JAK1: variants seen among roughly 807,000 people sequenced by gnomAD.
JAK1 encodes the protein Janus kinase 1, also known as tyrosine-protein kinase JAK1.
In JAK1, 16 loss-of-function variants were observed where a neutral mutation model predicts 136.6. The ratio of observed to expected loss-of-function variants is 0.12; its 90% CI spans 0.08 to 0.18. The LOEUF (loss-of-function observed/expected upper bound fraction) is 0.18, where lower values mean the gene tolerates loss of function less well. Among genes scored for constraint, JAK1 ranks in the 10% least tolerant of loss-of-function variants. The probability of loss-of-function intolerance (pLI) is 1.00; values close to 1 mark genes in which losing one functional copy is unlikely to be tolerated. For synonymous variants in JAK1, 492 were observed against 519.5 expected (o/e 0.95, Z 0.72); for missense variants, 859 against 1,450.1 (o/e 0.59, Z 6.62).
chr1:65,035,063 A>T (rs1437072944), intron 2 of JAK1, among the ~76,000 whole-genome samples: 1 of 124,258 alleles, frequency 8.0e-6, no homozygotes, highest in Non-Finnish European at 1.8e-5. Context: ...TCTCAAAATA[A>T]ATAAATAAAT....
At chr1:64,972,755 C>T (rs1264082149) in intron 2 of JAK1, 2 of 152,326 alleles carry the variant, frequency 1.3e-5, no homozygotes, top group African/African-American at 4.8e-5. Context: ...CACCACTGCA[C>T]TCCAGCCTGA....
At chr1:64,854,691 C>T (rs1282378795) in intron 11 of JAK1, among the ~76,000 whole-genome samples, 2 of 152,104 alleles carry the variant, frequency 1.3e-5, no homozygotes, top group Non-Finnish European at 2.9e-5. Flanking sequence ...CCCTTGGATC[C>T]ATTTCACTCC....
At chr1:64,966,151 G>A (rs554158297) in intron 1 of JAK1, among the ~76,000 whole-genome samples, 182 bp downstream of exon 1, 1 of 151,782 alleles carries the variant, frequency 6.6e-6, no homozygotes, top group Non-Finnish European at 1.5e-5. Context: ...CGCGGGGCTG[G>A]AAATCCCCGC....
intron 2 of JAK1, among the ~76,000 whole-genome samples, chr1:65,012,894 C>T (rs1163125101): frequency 6.7e-6 from 1 of 149,848 alleles, no homozygotes; most frequent in Non-Finnish European, 1.5e-5. Flanking sequence ...GAGATCAAGA[C>T]CATCCTGGCT....
intron 13 of JAK1, 156 bp from the exon 14 acceptor site, chr1:64,846,892 AG>A (rs929821134): frequency 6.8e-5 from 42 of 619,490 alleles, no homozygotes; most frequent in Admixed American, 1.1e-4. Flanking sequence ...GGCTGTCCAG[AG>A]GCACTGCCAA....
chr1:64,882,043 C>T (rs535898313), intron 3 of JAK1, among the ~76,000 whole-genome samples: 1 of 152,298 alleles, frequency 6.6e-6, no homozygotes, highest in East Asian at 1.9e-4. Flanking sequence ...TATTTGTACA[C>T]ATTGCGGCCT....
At chr1:65,020,352 C>G (rs553087134) in intron 2 of JAK1, among the ~76,000 whole-genome samples, 1 of 152,022 alleles carries the variant, frequency 6.6e-6, no homozygotes, top group African/African-American at 2.4e-5. Context: ...CATCACCAAT[C>G]CACATTATCA....
chr1:64,842,652 C>T (rs999612385), intron 17 of JAK1, among the ~76,000 whole-genome samples: 6 of 152,226 alleles, frequency 3.9e-5, no homozygotes, highest in Non-Finnish European at 8.8e-5. Flanking sequence ...TCCTTCCTTA[C>T]ACCACCCTGT....
At chr1:64,925,405 A>C (rs1180309512) in intron 1 of JAK1, among the ~76,000 whole-genome samples, 1 of 152,154 alleles carries the variant, frequency 6.6e-6, no homozygotes, top group Non-Finnish European at 1.5e-5. Context: ...TCAAAAAAAA[A>C]AATTTTTGCT....
intron 1 of JAK1, among the ~76,000 whole-genome samples, chr1:64,909,729 T>C (rs1570752751): frequency 7.3e-5 from 11 of 151,136 alleles, no homozygotes; most frequent in Admixed American, 5.9e-4. Context: ...GAGGCTGAAG[T>C]GGGAGGATCA....
At chr1:64,951,812 C>T (rs1248700859) in intron 1 of JAK1, among the ~76,000 whole-genome samples, 4 of 152,068 alleles carry the variant, frequency 2.6e-5, no homozygotes, top group Admixed American at 6.6e-5. Flanking sequence ...GCGCCCGCCA[C>T]CACGCCCAGC....
At chr1:64,992,165 A>G (rs529366434) in intron 2 of JAK1, 1 of 151,980 alleles carries the variant, frequency 6.6e-6, no homozygotes, top group African/African-American at 2.4e-5. Flanking sequence ...GTATCCCCTG[A>G]GGTCAGGAGT....
intron 1 of JAK1, among the ~76,000 whole-genome samples, chr1:64,930,940 T>G (rs892973988): frequency 6.6e-6 from 1 of 151,000 alleles, no homozygotes; most frequent in South Asian, 2.1e-4. Context: ...TAAGTGGGAG[T>G]TGAACAATGA....
At chr1:64,928,115 C>A (rs191711142) in intron 1 of JAK1, among the ~76,000 whole-genome samples, 1 of 152,292 alleles carries the variant, frequency 6.6e-6, no homozygotes, top group Admixed American at 6.5e-5. Context: ...AAACACAATG[C>A]CCCTCCAAAC....
intron 2 of JAK1, among the ~76,000 whole-genome samples, chr1:64,884,887 T>A (rs1644828806): frequency 6.6e-6 from 1 of 152,128 alleles, no homozygotes; most frequent in South Asian, 2.1e-4. Flanking sequence ...AAGAACTGAG[T>A]CATTTTTCTC....
chr1:64,901,758 A>G (rs1296036819), intron 1 of JAK1, among the ~76,000 whole-genome samples: 1 of 152,048 alleles, frequency 6.6e-6, no homozygotes, highest in East Asian at 1.9e-4. Flanking sequence ...CTTCCAGAAC[A>G]TTTCACCACC....
chr1:65,052,323 G>T (rs924236098), intron 1 of JAK1, among the ~76,000 whole-genome samples: 2 of 151,942 alleles, frequency 1.3e-5, no homozygotes, highest in South Asian at 4.2e-4. Context: ...AATACAAAAT[G>T]GACTTTTGGT....
intron 4 of JAK1, among the ~76,000 whole-genome samples, chr1:64,876,853 C>A (rs896453501): frequency 1.3e-5 from 2 of 152,160 alleles, no homozygotes; most frequent in African/African-American, 4.8e-5. Context: ...ATCAGAGCTA[C>A]GCACTGCAAG....
chr1:65,018,220 T>C (rs1453139373), intron 2 of JAK1, among the ~76,000 whole-genome samples: 1 of 152,088 alleles, frequency 6.6e-6, no homozygotes, highest in South Asian at 2.1e-4. Context: ...TAGCCTTACA[T>C]TTTATATTAG....
Sources: gnomAD v4.1 joint callset for allele counts (sites outside exome capture counted in the v4.1 genomes callset) on GRCh38, gnomAD v4.1.1 for gene constraint, MANE v1.5 for transcripts, NCBI Gene and HGNC (gene_info 2026-07-23, HGNC 2026-07-21) for gene names.